ENOX1: variants seen among roughly 807,000 people sequenced by gnomAD.
The protein encoded by ENOX1 is candidate growth-related and time keeping constitutive hydroquinone (NADH) oxidase.
A neutral mutation model predicts 82.5 loss-of-function variants in ENOX1; 42 were observed. The ratio of observed to expected loss-of-function variants is 0.51; its 90% CI spans 0.40 to 0.66. ENOX1 has a LOEUF of 0.66. Ranked by LOEUF, ENOX1 falls within the 30% of genes least tolerant of loss-of-function variation. ENOX1 has a pLI of 0.00. For missense variants in ENOX1, 608 were observed against 811.6 expected (o/e 0.75, Z 3.05); for synonymous variants, 271 against 282.2 (o/e 0.96, Z 0.40).
chr13:43,486,696 C>T (rs61959521), intron 2 of ENOX1, among the ~76,000 whole-genome samples: 31,109 of 152,032 alleles, frequency 0.2, 3,670 homozygotes, highest in Middle Eastern at 0.29. Context: ...ACCAAACTGG[C>T]GGGGGTGTTC....
intron 1 of ENOX1, among the ~76,000 whole-genome samples, chr13:43,693,021 T>C (rs1311231455): frequency 1.3e-5 from 2 of 151,426 alleles, no homozygotes; most frequent in African/African-American, 2.4e-5. Context: ...GCTACACCTA[T>C]GTTATAAATT....
intron 5 of ENOX1, among the ~76,000 whole-genome samples, chr13:43,401,300 T>C (rs1236760838): frequency 3.9e-5 from 6 of 152,000 alleles, no homozygotes; most frequent in Non-Finnish European, 8.8e-5. Flanking sequence ...TTTAAACAAC[T>C]CAAAAATCAA....
intron 9 of ENOX1, among the ~76,000 whole-genome samples, chr13:43,327,075 C>G (rs1013936481): frequency 1.3e-5 from 2 of 152,142 alleles, no homozygotes; most frequent in Non-Finnish European, 2.9e-5. Flanking sequence ...TCTCAGGGGG[C>G]CATTTTTCCT....
At chr13:43,750,526 A>G (rs1950256345) in intron 1 of ENOX1, among the ~76,000 whole-genome samples, 1 of 152,168 alleles carries the variant, frequency 6.6e-6, no homozygotes, top group East Asian at 1.9e-4. Flanking sequence ...CAAGTCTCCA[A>G]GTATGAAGCT....
At chr13:43,606,809 G>A (rs2081993345) in intron 2 of ENOX1, among the ~76,000 whole-genome samples, 1 of 152,064 alleles carries the variant, frequency 6.6e-6, no homozygotes, top group African/African-American at 2.4e-5. Flanking sequence ...GAGCACAGGA[G>A]TTCGAGACCA....
intron 1 of ENOX1, among the ~76,000 whole-genome samples, chr13:43,725,476 G>T (rs564904794): frequency 6.6e-6 from 1 of 152,106 alleles, no homozygotes; most frequent in Non-Finnish European, 1.5e-5. Flanking sequence ...AGTTAAAACA[G>T]TATCAGCCAA....
intron 14 of ENOX1, among the ~76,000 whole-genome samples, chr13:43,248,713 T>C (rs375353524): frequency 7.2e-5 from 11 of 152,236 alleles, no homozygotes; most frequent in African/African-American, 2.6e-4. Flanking sequence ...AAAATATGTA[T>C]TCACTGTAGA....
intron 1 of ENOX1, among the ~76,000 whole-genome samples, chr13:43,768,127 A>G (rs1448158304): frequency 6.6e-6 from 1 of 152,138 alleles, no homozygotes; most frequent in Non-Finnish European, 1.5e-5. Flanking sequence ...TTACATACAT[A>G]CATTTTTACT....
intron 15 of ENOX1, among the ~76,000 whole-genome samples, chr13:43,229,373 T>A (rs1017093132): frequency 3.3e-5 from 5 of 152,132 alleles, no homozygotes; most frequent in Admixed American, 6.5e-5. Flanking sequence ...GAGTCAGCCA[T>A]GGAAAGCCCG....
intron 10 of ENOX1, among the ~76,000 whole-genome samples, chr13:43,323,125 G>A (rs2047909702): frequency 6.6e-6 from 1 of 152,142 alleles, no homozygotes. Context: ...ATGTGTGTAT[G>A]TGCCCATGTG....
intron 11 of ENOX1, among the ~76,000 whole-genome samples, chr13:43,310,946 A>G (rs1311705172): frequency 6.6e-6 from 1 of 151,792 alleles, no homozygotes; most frequent in Non-Finnish European, 1.5e-5. Context: ...TGCTTGCCAT[A>G]GTCCCCCACA....
intron 5 of ENOX1, among the ~76,000 whole-genome samples, chr13:43,368,278 C>T (rs1384242203): frequency 6.6e-6 from 1 of 152,184 alleles, no homozygotes. Context: ...GGATGCAACG[C>T]TGGCAGAACT....
chr13:43,251,438 G>T (rs1465807711), intron 14 of ENOX1, among the ~76,000 whole-genome samples: 1 of 152,176 alleles, frequency 6.6e-6, no homozygotes, highest in Non-Finnish European at 1.5e-5. Flanking sequence ...TACCTGCATA[G>T]GCTCATTACT....
chr13:43,218,844 T>C (rs1375941543), intron 16 of ENOX1, among the ~76,000 whole-genome samples: 2 of 152,172 alleles, frequency 1.3e-5, no homozygotes, highest in Non-Finnish European at 2.9e-5. Flanking sequence ...AATTTGTCCT[T>C]TGTTTTCTCC....
intron 2 of ENOX1, among the ~76,000 whole-genome samples, chr13:43,587,441 T>A (rs1051918692): frequency 6.6e-6 from 1 of 152,196 alleles, no homozygotes; most frequent in South Asian, 2.1e-4. Context: ...TCTTGTGTAC[T>A]ACATACATTC....
At chr13:43,416,316 G>A (rs1425763150) in intron 3 of ENOX1, among the ~76,000 whole-genome samples, 1 of 148,632 alleles carries the variant, frequency 6.7e-6, no homozygotes, top group African/African-American at 2.5e-5. Context: ...CCCAGACGGG[G>A]CGGCCGGGCA....
chr13:43,356,463 C>T (rs1321882324), intron 7 of ENOX1, among the ~76,000 whole-genome samples: 3 of 152,128 alleles, frequency 2.0e-5, no homozygotes, highest in Admixed American at 6.5e-5. Flanking sequence ...CATGATCATT[C>T]CTTCTTCTCC....
At chr13:43,310,533 A>G (rs1448156070) in intron 11 of ENOX1, among the ~76,000 whole-genome samples, 1 of 152,184 alleles carries the variant, frequency 6.6e-6, no homozygotes, top group Non-Finnish European at 1.5e-5. Flanking sequence ...ATGAGAGGGA[A>G]GGGACTATGG....
intron 12 of ENOX1, among the ~76,000 whole-genome samples, chr13:43,269,827 C>T (rs565416980): frequency 6.6e-6 from 1 of 152,270 alleles, no homozygotes; most frequent in East Asian, 1.9e-4. Flanking sequence ...CATTATATTC[C>T]TTTGAGCAAA....
Sources: allele counts gnomAD v4.1 joint callset (sites outside exome capture counted in the v4.1 genomes callset), GRCh38; gene constraint gnomAD v4.1.1; transcripts MANE v1.5; gene names NCBI Gene and HGNC (gene_info 2026-07-23, HGNC 2026-07-21).